Variants in COL20A1 observed in about 807,000 individuals in gnomAD.
COL20A1 encodes collagen type XX alpha 1 chain.
Under a neutral mutation model 152.9 loss-of-function variants are expected in COL20A1, and 164 were observed. The ratio of observed to expected loss-of-function variants is 1.07; its 90% CI spans 0.94 to 1.22. The LOEUF (loss-of-function observed/expected upper bound fraction) is 1.22. COL20A1 is among the 50% of genes most tolerant of loss of function. The pLI, the probability that COL20A1 is intolerant of heterozygous loss-of-function variation, is 0.00. For missense variants in COL20A1, 1,873 were observed against 1,744.8 expected (o/e 1.07, Z -1.31); for synonymous variants, 864 against 756.0 (o/e 1.14, Z -2.34).
chr20:63,308,538 C>T lies in COL20A1; in HGVS notation c.776-4C>T. On this transcript the variant is annotated splice_polypyrimidine_tract_variant and splice_region_variant and intron_variant, in intron 7 of 35. Transcript: ENST00000358894. ...CCTGTCACTTTATTCCTGCTGCTCCCAAGGCCTTGCCCTGACCCACGTGCT... is the reference window on the plus strand; with the variant it reads ...CCTGTCACTTTATTCCTGCTGCTCCTAAGGCCTTGCCCTGACCCACGTGCT... 6.3e-7 allele frequency: 1 copy of T among 1,583,854 alleles called. No homozygotes were observed. Among genetic ancestry groups the T allele is most frequent in the Non-Finnish European group, 8.6e-7 (1 of 1,165,806 alleles).
At chr20:63,294,987 T>TTGGAGCCCACACATGTGAGGG in intron 1 of COL20A1, 111 bp from the exon 2 acceptor site, 1 of 666,174 alleles carries the variant, frequency 1.5e-6, no homozygotes, top group Non-Finnish European at 2.6e-6. Flanking sequence ...TGGAGCCCGG[T>TTGGAGCCCACACATGTGAGGG]GTGGGGACAG....
chr20:63,313,225 C>G lies in COL20A1; in HGVS notation c.2185C>G (p.Pro729Ala). 1.2e-6 allele frequency: 2 copies of G among 1,611,818 alleles called. No homozygotes were observed. Among genetic ancestry groups the G allele is most frequent in the Non-Finnish European group, 1.7e-6 (2 of 1,179,242 alleles). ...AYYRDGARSD[P>A]VSLRYTPSTV... Reference sequence around the variant, plus strand: ...CTACAGGGACGGGGCCCGCAGTGACCCTGTGTCCCTCCGCTATACCCCCTG... The same window carrying G: ...CTACAGGGACGGGGCCCGCAGTGACGCTGTGTCCCTCCGCTATACCCCCTG... The change falls in exon 17 of 36, where the codon CCT (proline) becomes GCT (alanine). Residue 729 changes from proline to alanine, a missense_variant. Transcript: ENST00000358894. This position sits in a 1 kb window ranked among gnomAD's most constrained non-coding sequence, Gnocchi z 5.9.
At chr20:63,317,465 TAAAAAAA>T (rs78678381) in intron 21 of COL20A1, among the ~76,000 whole-genome samples, 1 of 114,578 alleles carries the variant, frequency 8.7e-6, no homozygotes, top group Non-Finnish European at 1.8e-5. Context: ...CTCCGTCCCT[TAAAAAAA>T]AAAAAAAAAA....
At chr20:63,309,724 G>T in intron 9 of COL20A1, 34 bp from the exon 10 acceptor site, 1 of 1,519,238 alleles carries the variant, frequency 6.6e-7, no homozygotes, top group Non-Finnish European at 8.8e-7. Flanking sequence ...CCCGTGCAGT[G>T]ACCACCTGCC....
In COL20A1 at chr20:63,327,939, C is replaced by T. The variant is rs1217748951; in HGVS notation, c.3529-13C>T. On this transcript the variant is annotated splice_polypyrimidine_tract_variant and intron_variant, in intron 31 of 35. Transcript: ENST00000358894. ...ATCTCTGCTGACTTCTTTTCTCTTCCCCTCCTCATCAGGGACTGCCAGGGC... is the reference window on the plus strand; with the variant it reads ...ATCTCTGCTGACTTCTTTTCTCTTCTCCTCCTCATCAGGGACTGCCAGGGC... The T allele has an allele frequency of 2.5e-6, 4 of 1,591,512 alleles. No individual in the cohort carries two copies. Among genetic ancestry groups the T allele is most frequent in the Admixed American group, 1.8e-5 (1 of 56,968 alleles).
At chr20:63,308,504 T>G in intron 7 of COL20A1, 38 bp from the exon 8 acceptor site, 13 of 1,513,778 alleles carry the variant, frequency 8.6e-6, no homozygotes, top group Non-Finnish European at 1.2e-5. Flanking sequence ...GAGGGGATGC[T>G]GGCAGCTGCC....
rs762131004 is a variant in COL20A1, at chr20:63,313,796, G to T, written c.2263G>T (p.Asp755Tyr). 9.9e-6 allele frequency: 16 copies of T among 1,610,504 alleles called. No individual in the cohort carries two copies. Among genetic ancestry groups the T allele is most frequent in the South Asian group, 3.3e-5 (3 of 90,838 alleles). ...CCTGGCCCTGGCCTCGGAGACCCCC[G>T]ACAGCCTGCAGGTCAGCTGGACGCC... ...SNLALASETP[D>Y]SLQVSWTPPL... Residue 755 changes from aspartate to tyrosine, a missense_variant, in exon 18 of 36, where the codon GAC (aspartate) becomes TAC (tyrosine). Coordinates refer to ENST00000358894, the MANE Select transcript of COL20A1 (RefSeq NM_020882.4). This position sits in a 1 kb window ranked among gnomAD's most constrained non-coding sequence, Gnocchi z 5.9.
At position 63,308,102 on chromosome 20, in the gene COL20A1, G is replaced by GCCTGCCCTTCCCTCTGT. The variant is rs1555828837; in HGVS notation, c.775+19_775+20insTTCCCTCTGTCCTGCCC. ...GAACACGTTCACAGGTACGGCCCAGGCCTGCCCCTCCCTCTGTCCTGAGGG... is the reference window on the plus strand; with the variant it reads ...GAACACGTTCACAGGTACGGCCCAGGCCTGCCCTTCCCTCTGTCCTGCCCCTCCCTCTGTCCTGAGGG... On this transcript the variant is annotated intron_variant, in intron 7 of 35. Transcript: ENST00000358894. 1.2e-6 allele frequency: 2 copies of GCCTGCCCTTCCCTCTGT among 1,611,652 alleles called. No homozygotes were observed. Among genetic ancestry groups the GCCTGCCCTTCCCTCTGT allele is most frequent in the African/African-American group, 2.7e-5 (2 of 74,828 alleles).
At position 63,329,565 on chromosome 20, in the gene COL20A1, T is replaced by G; in HGVS notation, c.3782-20T>G. ...GCCACTGCATTGCTCCGTCCTCACA[T>G]GCCCTCCCTTTCCTCGCAGGGGAGC... On this transcript the variant is annotated intron_variant, in intron 34 of 35. Transcript: ENST00000358894. The G allele has an allele frequency of 1.2e-6, 2 of 1,604,028 alleles. No individual in the cohort carries two copies.
At chr20:63,295,390 C>T (rs573400414) in intron 2 of COL20A1, among the ~76,000 whole-genome samples, 2 of 152,400 alleles carry the variant, frequency 1.3e-5, no homozygotes, top group Admixed American at 6.5e-5. Flanking sequence ...GCCTTGGGAG[C>T]ACATCTCTGT....
chr20:63,300,279 G>C (rs2067849027), intron 3 of COL20A1, among the ~76,000 whole-genome samples: 1 of 152,102 alleles, frequency 6.6e-6, no homozygotes, highest in Non-Finnish European at 1.5e-5. Context: ...TTTGTGTAAT[G>C]TTGGTGGTAT....
rs925424692 is a variant in COL20A1, at chr20:63,334,049, C to G, written c.*3333C>G. 6.6e-6 allele frequency: 1 copy of G among 152,246 alleles called. No homozygotes were observed. The highest frequency in any genetic ancestry group is 1.5e-5 in the Non-Finnish European group (1 of 68,060). 9.4% of individuals were successfully genotyped at this position (152,246 alleles called of 1,614,324 possible). On this transcript the variant is annotated 3_prime_UTR_variant, in exon 36 of 36. Coordinates refer to ENST00000358894, the MANE Select transcript of COL20A1 (RefSeq NM_020882.4). ...TCATAATACAGCCCCCCATCGTGAT[C>G]TGATGGTAAGTACAGAACTCCTTGC... is the stretch of plus-strand genomic sequence containing the variant.
intron 20 of COL20A1, among the ~76,000 whole-genome samples, chr20:63,316,190 G>A (rs1359097274): frequency 6.6e-6 from 1 of 152,148 alleles, no homozygotes; most frequent in Non-Finnish European, 1.5e-5. Flanking sequence ...GGGGGGCAGG[G>A]GCGAGAGGTG....
rs1172039879 is a variant in COL20A1 at position 63,311,888 on chromosome 20, G to A, written c.1664-28G>A. ...GCCCCTGCCATGGAGGCCGCGTGCT[G>A]GCCTTGAGGCTCTGCTGTGCTTTGC... On this transcript the variant is annotated intron_variant, in intron 13 of 35. Transcript: ENST00000358894. The surrounding 1 kb of genome is among the most constrained non-coding windows in gnomAD (Gnocchi z 4.4). The A allele has an allele frequency of 6.6e-6, 10 of 1,518,352 alleles. No homozygotes were observed. The African/African-American group carries it at 1.2e-4, about 19-fold the overall frequency. 94.1% of individuals were successfully genotyped at this position (1,518,352 alleles called of 1,614,324 possible).
At position 63,311,963 on chromosome 20, in the gene COL20A1, G is replaced by A. The variant is rs754459280; in HGVS notation, c.1711G>A (p.Asp571Asn). Reference sequence around the variant, plus strand: ...CCTGGGCTTCTCAGACGTGAGCCACGACGCGGCACGAGTGTTCTGGGAGGG... The same window carrying A: ...CCTGGGCTTCTCAGACGTGAGCCACAACGCGGCACGAGTGTTCTGGGAGGG... ...RHLGFSDVSH[D>N]AARVFWEGAP... Residue 571 changes from aspartate to asparagine, a missense_variant, in exon 14 of 36, where the codon GAC (aspartate) becomes AAC (asparagine). Physicochemically the swap from Asp to Asn is conservative, Grantham distance 23. Coordinates refer to ENST00000358894, the MANE Select transcript of COL20A1 (RefSeq NM_020882.4). The surrounding 1 kb of genome is among the most constrained non-coding windows in gnomAD (Gnocchi z 4.4). 14 of 1,595,244 alleles carry A rather than the reference G, an allele frequency of 8.8e-6. No homozygotes were observed. The highest frequency in any genetic ancestry group is 4.5e-5 in the South Asian group (4 of 88,376).
At chr20:63,328,281 C>G (rs747685803) in intron 33 of COL20A1, 50 bp from the exon 34 acceptor site, 2 of 1,578,344 alleles carry the variant, frequency 1.3e-6, no homozygotes, top group South Asian at 2.3e-5. Flanking sequence ...GCACAGGCCT[C>G]GCATCCCCGG....
At position 63,305,563 on chromosome 20, in the gene COL20A1, A is replaced by T. The variant is rs761059578; in HGVS notation, c.337+3A>T. 76 of 1,589,562 alleles carry T rather than the reference A, an allele frequency of 4.8e-5. No homozygotes were observed. The highest frequency in any genetic ancestry group is 6.5e-5 in the Non-Finnish European group (76 of 1,169,702). ...GCTAGCTCGGAGGGAGTTTGTGAGT[A>T]AGTCCACCGTCTGCCAGCTGGGTAC... On this transcript the variant is annotated splice_donor_region_variant and intron_variant, in intron 4 of 35. Coordinates refer to ENST00000358894, the MANE Select transcript of COL20A1 (RefSeq NM_020882.4). The surrounding 1 kb of genome is among the most constrained non-coding windows in gnomAD (Gnocchi z 4.9).
At position 63,313,215 on chromosome 20, in the gene COL20A1, C is replaced by T; in HGVS notation, c.2175C>T (p.Ala725=). 1 of 1,612,304 alleles carries T rather than the reference C, an allele frequency of 6.2e-7. No individual in the cohort carries two copies. Among genetic ancestry groups the T allele is most frequent in the Non-Finnish European group, 8.5e-7 (1 of 1,179,560 alleles). The change falls in exon 17 of 36, where the codon GCC becomes GCT. Residue 725 remains alanine, a synonymous_variant. Coordinates refer to ENST00000358894, the MANE Select transcript of COL20A1 (RefSeq NM_020882.4). This position sits in a 1 kb window ranked among gnomAD's most constrained non-coding sequence, Gnocchi z 5.9. ...VTILAYYRDG[A]RSDPVSLRYT... is the part of the protein sequence containing the mutation. ...TCTTGGCCTACTACAGGGACGGGGC[C>T]CGCAGTGACCCTGTGTCCCTCCGCT...
Position 63,315,701 on chromosome 20 carries a change from TC to T in COL20A1, c.2524+264del, listed in dbSNP as rs149462596. Among the ~76,000 whole-genome samples, 1,464 of 152,260 alleles carry T rather than the reference TC, an allele frequency of 9.6e-3. 20 individuals carry two copies. The highest frequency in any genetic ancestry group is 0.031 in the African/African-American group (1,294 of 41,548). ...GCAGCGCTGGGGGCGCTGGGTCCTT[TC>T]CAGCCCCATTCCAGGGTCTCTGCTG... is the stretch of plus-strand genomic sequence containing the variant. On this transcript the variant is annotated intron_variant, in intron 20 of 35. Transcript: ENST00000358894.
Sources: gnomAD v4.1 joint callset for allele counts (sites outside exome capture counted in the v4.1 genomes callset) on GRCh38, gnomAD v4.1.1 for gene constraint, Gnocchi (gnomAD v3.1) non-coding constraint, MANE v1.5 for transcripts, NCBI Gene and HGNC (gene_info 2026-07-23, HGNC 2026-07-21) for gene names.